TAF2: variants seen among roughly 807,000 people sequenced by gnomAD.
TAF2 encodes transcription initiation factor TFIID subunit 2.
In TAF2, 61 loss-of-function variants were observed where a neutral mutation model predicts 138.5. The ratio of observed to expected loss-of-function variants is 0.44; its 90% CI spans 0.36 to 0.54. The LOEUF (loss-of-function observed/expected upper bound fraction) is 0.54. Among genes scored for constraint, TAF2 ranks in the 20% least tolerant of loss-of-function variants. The probability of loss-of-function intolerance (pLI) is 0.00; values close to 1 mark genes in which losing one functional copy is unlikely to be tolerated. For missense variants in TAF2, 1,090 were observed against 1,427.9 expected (o/e 0.76, Z 3.81); for synonymous variants, 475 against 469.9 (o/e 1.01, Z -0.14).
At chr8:119,820,260 T>C (rs1825735964) in intron 2 of TAF2, among the ~76,000 whole-genome samples, 1 of 152,158 alleles carries the variant, frequency 6.6e-6, no homozygotes, top group Non-Finnish European at 1.5e-5. Flanking sequence ...TGAAAATTGA[T>C]GTACTCAAAC....
intron 6 of TAF2, among the ~76,000 whole-genome samples, chr8:119,799,202 G>A (rs546413546): frequency 6.6e-6 from 1 of 151,924 alleles, no homozygotes; most frequent in African/African-American, 2.4e-5. Context: ...CGGTACATGC[G>A]TACAATGTGC....
chr8:119,817,809 A>C (rs904542508), intron 3 of TAF2, among the ~76,000 whole-genome samples: 4 of 152,180 alleles, frequency 2.6e-5, no homozygotes, highest in African/African-American at 9.7e-5. Context: ...TGGGTCCTCT[A>C]TCTGCTCTTT....
chr8:119,796,175 C>T (rs1823813324), intron 8 of TAF2, among the ~76,000 whole-genome samples: 1 of 151,840 alleles, frequency 6.6e-6, no homozygotes, highest in Admixed American at 6.6e-5. Flanking sequence ...CCCACTCCAT[C>T]CATCCATCCA....
At chr8:119,808,109 G>A (rs1253648319) in intron 3 of TAF2, among the ~76,000 whole-genome samples, 1 of 152,016 alleles carries the variant, frequency 6.6e-6, no homozygotes, top group Non-Finnish European at 1.5e-5. Flanking sequence ...TATAACTATG[G>A]CTTTAACAAC....
chr8:119,828,110 T>C (rs1826217179), intron 2 of TAF2, among the ~76,000 whole-genome samples: 1 of 152,024 alleles, frequency 6.6e-6, no homozygotes, highest in Non-Finnish European at 1.5e-5. Context: ...ACTCCTGACC[T>C]CAGGTGATCC....
At chr8:119,797,216 T>C (rs1823890163) in intron 7 of TAF2, 113 bp from the exon 8 acceptor site, 4 of 790,664 alleles carry the variant, frequency 5.1e-6, no homozygotes, top group Non-Finnish European at 8.2e-6. Flanking sequence ...GAAAAAATTC[T>C]CCCACCTTTC....
chr8:119,792,892 G>A (rs1023813251), intron 10 of TAF2, among the ~76,000 whole-genome samples: 1 of 152,082 alleles, frequency 6.6e-6, no homozygotes, highest in Admixed American at 6.6e-5. Context: ...CCTCAGTCTT[G>A]AACTTCCCAG....
At chr8:119,812,796 ACATGTATACATACAC>A (rs1825181428) in intron 3 of TAF2, among the ~76,000 whole-genome samples, 1 of 550 alleles carries the variant, frequency 1.8e-3, no homozygotes, top group Non-Finnish European at 5.9e-3. Context: ...GTATATACAC[ACATGTATACATACAC>A]CACACATACA....
At chr8:119,767,271 T>C (rs1821495162) in intron 18 of TAF2, 1 of 152,218 alleles carries the variant, frequency 6.6e-6, no homozygotes. Context: ...AAGTAACAAG[T>C]AAATATGAAC....
intron 21 of TAF2, 80 bp downstream of exon 21, chr8:119,757,993 G>T: frequency 8.7e-7 from 1 of 1,147,058 alleles, no homozygotes. Context: ...TCATAAACAA[G>T]CATTTTATGT....
intron 3 of TAF2, among the ~76,000 whole-genome samples, chr8:119,810,630 C>T (rs938728810): frequency 5.9e-5 from 9 of 152,274 alleles, no homozygotes; most frequent in African/African-American, 2.2e-4. Flanking sequence ...GCCAGTTGCT[C>T]CAAATCCTTG....
chr8:119,830,531 A>G (rs933091862), intron 2 of TAF2, among the ~76,000 whole-genome samples: 3 of 152,186 alleles, frequency 2.0e-5, no homozygotes, highest in Non-Finnish European at 2.9e-5. Context: ...ATCCTACTAT[A>G]TAAGATATAA....
chr8:119,806,633 A>G (rs918131756), intron 3 of TAF2, among the ~76,000 whole-genome samples: 1 of 151,726 alleles, frequency 6.6e-6, no homozygotes, highest in Non-Finnish European at 1.5e-5. Context: ...ACAACCAGCT[A>G]ATTTTTATAT....
intron 16 of TAF2, among the ~76,000 whole-genome samples, chr8:119,781,448 C>T (rs1007711128): frequency 3.1e-4 from 47 of 152,068 alleles, no homozygotes; most frequent in Admixed American, 2.5e-3. Context: ...GAAGCCGAGG[C>T]GGGTGAATCA....
intron 25 of TAF2, among the ~76,000 whole-genome samples, chr8:119,742,125 G>A (rs542664455): frequency 4.6e-5 from 7 of 152,220 alleles, no homozygotes; most frequent in South Asian, 2.1e-4. Context: ...TATTTTATGC[G>A]TTTATATCTT....
At chr8:119,784,448 G>A (rs534613855) in intron 15 of TAF2, among the ~76,000 whole-genome samples, 102 of 152,190 alleles carry the variant, frequency 6.7e-4, no homozygotes, top group African/African-American at 2.4e-3. Context: ...GCAGTGAGCC[G>A]AGATGGTGCC....
Position 119,744,142 on chromosome 8 carries a change from T to C in TAF2, c.3214+146A>G, listed in dbSNP as rs994011576. ...TTCTATTTGTTATTTTGCCAATTTA[T>C]GTTATAATCTGCTACAATTTAATAT... is the stretch of plus-strand genomic sequence containing the variant. On this transcript the variant is annotated intron_variant, in intron 24 of 25. Coordinates refer to ENST00000378164, the MANE Select transcript of TAF2 (RefSeq NM_003184.4). 19 of 806,252 alleles carry C rather than the reference T, an allele frequency of 2.4e-5. No homozygotes were observed. The African/African-American group carries it at 2.8e-4, about 12-fold the overall frequency. 49.9% of individuals were successfully genotyped at this position (806,252 alleles called of 1,614,324 possible).
chr8:119,809,290 T>C (rs867724190), intron 3 of TAF2, among the ~76,000 whole-genome samples: 1 of 152,232 alleles, frequency 6.6e-6, no homozygotes, highest in South Asian at 2.1e-4. Flanking sequence ...AATGTTCTTC[T>C]GCAGCTTCCT....
chr8:119,831,084 G>A (rs917537341), intron 2 of TAF2, among the ~76,000 whole-genome samples: 1 of 152,140 alleles, frequency 6.6e-6, no homozygotes, highest in Non-Finnish European at 1.5e-5. Flanking sequence ...TCCAGCCTCA[G>A]TGACAGAGCG....
Sources: allele counts gnomAD v4.1 joint callset (sites outside exome capture counted in the v4.1 genomes callset), GRCh38; gene constraint gnomAD v4.1.1; transcripts MANE v1.5; gene names NCBI Gene and HGNC (gene_info 2026-07-23, HGNC 2026-07-21).